The following ADAM12 variants were observed in gnomAD, a reference collection of about 807,000 sequenced individuals.
The protein encoded by ADAM12 is ADAM metallopeptidase domain 12.
A neutral mutation model predicts 106.4 loss-of-function variants in ADAM12; 70 were observed. The observed-to-expected ratio is 0.66, with a 90% CI of 0.54 to 0.80. The LOEUF is 0.80. Ranked by LOEUF, ADAM12 falls within the 30% of genes least tolerant of loss-of-function variation. The probability of loss-of-function intolerance (pLI) is 0.00; values close to 1 mark genes in which losing one functional copy is unlikely to be tolerated. For missense variants in ADAM12, 1,010 were observed against 1,171.9 expected (o/e 0.86, Z 2.02); for synonymous variants, 420 against 433.5 (o/e 0.97, Z 0.39).
intron 3 of ADAM12, among the ~76,000 whole-genome samples, chr10:126,251,249 T>C (rs1258071985): frequency 6.6e-6 from 1 of 152,210 alleles, no homozygotes; most frequent in African/African-American, 2.4e-5. Flanking sequence ...TTTCCTCCAG[T>C]TCCTTCCTAA....
chr10:126,361,634 A>G (rs936311307), intron 1 of ADAM12, among the ~76,000 whole-genome samples: 1 of 152,158 alleles, frequency 6.6e-6, no homozygotes, highest in Non-Finnish European at 1.5e-5. Flanking sequence ...ATGAACCCAA[A>G]CATATACGGT....
chr10:126,269,131 T>G (rs1021128513), intron 3 of ADAM12, among the ~76,000 whole-genome samples: 2 of 152,214 alleles, frequency 1.3e-5, no homozygotes, highest in African/African-American at 4.8e-5. Context: ...ATTTGTAAAC[T>G]GTCATGGTGC....
chr10:126,315,154 A>C (rs1276859029), intron 2 of ADAM12, among the ~76,000 whole-genome samples: 1 of 152,224 alleles, frequency 6.6e-6, no homozygotes, highest in Non-Finnish European at 1.5e-5. Flanking sequence ...TGTGTGCTGA[A>C]ATTCTTGGAA....
chr10:126,260,448 A>G (rs1393619423), intron 3 of ADAM12, among the ~76,000 whole-genome samples: 2 of 152,230 alleles, frequency 1.3e-5, no homozygotes, highest in East Asian at 1.9e-4. Context: ...GATTGGAGGA[A>G]CCAATGGGCT....
rs1248197242 is a variant in ADAM12 at position 126,053,257 on chromosome 10, AC to A, written c.1610-3589del. Among the ~76,000 whole-genome samples the A allele has an allele frequency of 6.6e-6, 1 of 152,112 alleles. No homozygotes were observed. Among genetic ancestry groups the A allele is most frequent in the Non-Finnish European group, 1.5e-5 (1 of 68,020 alleles). On this transcript the variant is annotated intron_variant, in intron 14 of 22. Transcript: ENST00000448723. This position sits in a 1 kb window ranked among gnomAD's most constrained non-coding sequence, Gnocchi z 4.6. ...GCCTGCAGAACCAAGAACCAATTAA[AC>A]CTTTTTTCTTTATAAATTACCCAGT...
intron 21 of ADAM12, among the ~76,000 whole-genome samples, chr10:126,023,315 CTGT>C (rs1192975100): frequency 6.6e-6 from 1 of 152,100 alleles, no homozygotes; most frequent in African/African-American, 2.4e-5. Flanking sequence ...ATGGCAGGCT[CTGT>C]TGTTGTGCCC....
At chr10:126,178,285 T>C (rs1028587599) in intron 3 of ADAM12, among the ~76,000 whole-genome samples, 1 of 152,208 alleles carries the variant, frequency 6.6e-6, no homozygotes, top group Non-Finnish European at 1.5e-5. Context: ...ACATGTGTTC[T>C]TCAAGTCACA....
chr10:126,101,304 A>G (rs1955663500), intron 8 of ADAM12, 63 bp from the exon 9 acceptor site: 2 of 1,541,010 alleles, frequency 1.3e-6, no homozygotes, highest in Admixed American at 3.5e-5. Context: ...CTCGAAATGA[A>G]AATTAGAACA....
In ADAM12 at chr10:126,071,525, C is replaced by G; in HGVS notation, c.1275G>C (p.Gly425=). The change falls in exon 12 of 23, where the codon GGG becomes GGC. Residue 425 remains glycine (G), a synonymous_variant. Coordinates refer to ENST00000448723, the MANE Select transcript of ADAM12 (RefSeq NM_001288973.2). ...VRESFGGQKC[G]NRFVEEGEEC... Reference sequence around the variant, plus strand: ...CCTCTCCTTCTTCCACAAATCTGTTCCCACACTTCTGGCCCCCGAAAGACT... The same window carrying G: ...CCTCTCCTTCTTCCACAAATCTGTTGCCACACTTCTGGCCCCCGAAAGACT... The G allele has an allele frequency of 6.2e-7, 1 of 1,614,144 alleles. No homozygotes were observed. The highest frequency in any genetic ancestry group is 8.5e-7 in the Non-Finnish European group (1 of 1,180,034).
chr10:126,150,961 A>G (rs1480265547), intron 4 of ADAM12, among the ~76,000 whole-genome samples: 1 of 152,204 alleles, frequency 6.6e-6, no homozygotes, highest in East Asian at 1.9e-4. Flanking sequence ...AAAATCAGCC[A>G]CAATTAAAAT....
At chr10:126,197,478 A>T (rs1296503711) in intron 3 of ADAM12, among the ~76,000 whole-genome samples, 1 of 152,226 alleles carries the variant, frequency 6.6e-6, no homozygotes, top group East Asian at 1.9e-4. Context: ...ACCCTGTGGG[A>T]GAGGACAGTC....
chr10:126,107,024 T>G (rs369350792), intron 8 of ADAM12, among the ~76,000 whole-genome samples: 1 of 152,182 alleles, frequency 6.6e-6, no homozygotes, highest in Admixed American at 6.5e-5. Context: ...TAGCTCTGCA[T>G]GCATACATTT....
intron 5 of ADAM12, among the ~76,000 whole-genome samples, chr10:126,131,574 C>T (rs989547172): frequency 2.0e-5 from 3 of 152,202 alleles, no homozygotes; most frequent in East Asian, 1.9e-4. Flanking sequence ...TGATGGGATT[C>T]GTGCCCTTAT....
chr10:126,046,099 C>A lies in ADAM12; in HGVS notation c.1951G>T (p.Val651Phe). 6.2e-7 allele frequency: 1 copy of A among 1,614,194 alleles called. No homozygotes were observed. Among genetic ancestry groups the A allele is most frequent in the Non-Finnish European group, 8.5e-7 (1 of 1,180,018 alleles). Reference protein sequence around the residue: ...CLNRQCQNISVFGVHECAMQC... With the variant: ...CLNRQCQNISFFGVHECAMQC... The stretch of plus-strand genomic sequence containing the variant: ...ATTGCACACTCGTGAACCCCAAAGA[C>A]ACTAATATTTTGACATTGACGATTC... Residue 651 changes from valine (V) to phenylalanine (F), a missense_variant, in exon 17 of 23, where the codon GTC becomes TTC. Val to Phe is a conservative substitution (Grantham distance 50). Transcript: ENST00000448723.
chr10:126,065,945 T>C (rs745686417), intron 13 of ADAM12, among the ~76,000 whole-genome samples: 7 of 152,150 alleles, frequency 4.6e-5, no homozygotes, highest in African/African-American at 1.4e-4. Context: ...TAATCAGCAT[T>C]AGGAAGAGGA....
intron 1 of ADAM12, among the ~76,000 whole-genome samples, chr10:126,360,548 T>G (rs569443914): frequency 6.6e-6 from 1 of 152,290 alleles, no homozygotes; most frequent in African/African-American, 2.4e-5. Context: ...TGCTAAAACA[T>G]AACAAAATTC....
At chr10:126,056,494 A>G (rs1052842766) in intron 14 of ADAM12, among the ~76,000 whole-genome samples, 4 of 152,202 alleles carry the variant, frequency 2.6e-5, no homozygotes, top group Non-Finnish European at 4.4e-5. Flanking sequence ...GGTAGCCCCA[A>G]TAGATACGAT....
At chr10:126,202,106 A>G (rs1189933298) in intron 3 of ADAM12, among the ~76,000 whole-genome samples, 1 of 152,230 alleles carries the variant, frequency 6.6e-6, no homozygotes, top group African/African-American at 2.4e-5. Context: ...TGGCAATTAA[A>G]ACTTCCAAAC....
At chr10:126,296,255 C>T (rs7912311) in intron 2 of ADAM12, among the ~76,000 whole-genome samples, 3,250 of 152,246 alleles carry the variant, frequency 0.021, 118 homozygotes, top group African/African-American at 0.075. Flanking sequence ...AATCTTCCCA[C>T]CTCAGTTTCC....
Sources: gnomAD v4.1 joint callset for allele counts (sites outside exome capture counted in the v4.1 genomes callset) on GRCh38, gnomAD v4.1.1 for gene constraint, Gnocchi (gnomAD v3.1) non-coding constraint, MANE v1.5 for transcripts, NCBI Gene and HGNC (gene_info 2026-07-23, HGNC 2026-07-21) for gene names.